Variants in PRICKLE1 observed in about 807,000 individuals in gnomAD.
PRICKLE1 encodes the protein prickle planar cell polarity protein 1, also known as prickle-like protein 1.
A neutral mutation model predicts 70.2 loss-of-function variants in PRICKLE1; 14 were observed. That is an observed-to-expected ratio of 0.20 (90% CI 0.13 to 0.31). The LOEUF (loss-of-function observed/expected upper bound fraction) is 0.31. PRICKLE1 is among the 10% of genes least tolerant of loss of function. PRICKLE1 has a pLI of 1.00. For missense variants in PRICKLE1, 821 were observed against 1,026.2 expected (o/e 0.80, Z 2.73); for synonymous variants, 357 against 379.9 (o/e 0.94, Z 0.70).
intron 1 of PRICKLE1, among the ~76,000 whole-genome samples, chr12:42,574,112 C>T (rs188181292): frequency 6.6e-6 from 1 of 152,222 alleles, no homozygotes; most frequent in Admixed American, 6.5e-5. Context: ...ATACAGGATG[C>T]CCAGTAAAAC....
chr12:42,574,401 C>T (rs539653265), intron 1 of PRICKLE1, among the ~76,000 whole-genome samples: 1 of 152,272 alleles, frequency 6.6e-6, no homozygotes, highest in Admixed American at 6.5e-5. Flanking sequence ...ATATGGGCAA[C>T]ACTCTGAACC....
chr12:42,533,269 A>C (rs949871476), intron 1 of PRICKLE1, among the ~76,000 whole-genome samples: 1 of 151,510 alleles, frequency 6.6e-6, no homozygotes, highest in Non-Finnish European at 1.5e-5. Flanking sequence ...ATTATTGTGA[A>C]GTTAATGAAT....
At chr12:42,551,784 G>A (rs997751905) in intron 1 of PRICKLE1, among the ~76,000 whole-genome samples, 2 of 152,140 alleles carry the variant, frequency 1.3e-5, no homozygotes, top group Admixed American at 1.3e-4. Context: ...CAATGCTAGA[G>A]TCCAGTTAAT....
intron 1 of PRICKLE1, among the ~76,000 whole-genome samples, chr12:42,479,173 T>A (rs942704501): frequency 6.6e-6 from 1 of 152,254 alleles, no homozygotes; most frequent in Non-Finnish European, 1.5e-5. Context: ...CTGCTTCCAC[T>A]GGGACTAAAC....
intron 1 of PRICKLE1, among the ~76,000 whole-genome samples, chr12:42,500,496 G>C (rs949043206): frequency 6.6e-6 from 1 of 152,134 alleles, no homozygotes; most frequent in Admixed American, 6.5e-5. Context: ...GAACAAAAGA[G>C]AGACCATGAG....
chr12:42,584,597 G>A (rs988820173), intron 1 of PRICKLE1: 2 of 151,912 alleles, frequency 1.3e-5, no homozygotes, highest in South Asian at 4.2e-4. Context: ...AAACATCACA[G>A]GAAACCAAAT....
chr12:42,500,179 C>T (rs1458776058), intron 1 of PRICKLE1, among the ~76,000 whole-genome samples: 1 of 152,196 alleles, frequency 6.6e-6, no homozygotes, highest in Admixed American at 6.5e-5. Flanking sequence ...AGTTATACAG[C>T]ACAAAGGCCA....
chr12:42,572,250 A>G (rs1436839341), intron 1 of PRICKLE1, among the ~76,000 whole-genome samples: 1 of 152,004 alleles, frequency 6.6e-6, no homozygotes, highest in African/African-American at 2.4e-5. Context: ...CCTGGCCAAC[A>G]TGGTGAAACC....
At chr12:42,471,871 T>C (rs1243232457) in intron 2 of PRICKLE1, among the ~76,000 whole-genome samples, 1 of 152,180 alleles carries the variant, frequency 6.6e-6, no homozygotes, top group Non-Finnish European at 1.5e-5. Context: ...CCAATCCCTG[T>C]GGTGTAAGTG....
intron 1 of PRICKLE1, among the ~76,000 whole-genome samples, chr12:42,477,762 T>C (rs2140141793): frequency 6.6e-6 from 1 of 151,962 alleles, no homozygotes; most frequent in African/African-American, 2.4e-5. Context: ...TTCTAATAAC[T>C]TTATTTTCAG....
At chr12:42,517,077 ATTGCTTCTCAAC>A (rs1240449764) in intron 1 of PRICKLE1, among the ~76,000 whole-genome samples, 2 of 152,128 alleles carry the variant, frequency 1.3e-5, no homozygotes, top group African/African-American at 4.8e-5. Context: ...AATAACTCAG[ATTGCTTCTCAAC>A]TTGCTTCTCA....
intron 1 of PRICKLE1, among the ~76,000 whole-genome samples, chr12:42,565,528 G>A (rs557978549): frequency 2.6e-5 from 4 of 152,244 alleles, no homozygotes; most frequent in African/African-American, 9.6e-5. Context: ...AATCAACAAT[G>A]GGATCCTTAA....
At chr12:42,534,162 T>TGAAG (rs1939976388) in intron 1 of PRICKLE1, among the ~76,000 whole-genome samples, 2 of 151,912 alleles carry the variant, frequency 1.3e-5, no homozygotes, top group South Asian at 2.1e-4. Flanking sequence ...AAGGAAAAGA[T>TGAAG]GAAGAAAGAA....
rs376030582 is a variant in PRICKLE1 at position 42,548,579 on chromosome 12, CA to C, written c.-49+40885del. 3.3e-3 allele frequency among the ~76,000 whole-genome samples: 497 copies of C among 152,140 alleles called. 2 individuals are homozygous for C. Among genetic ancestry groups the C allele is most frequent in the African/African-American group, 0.011 (455 of 41,524 alleles). ...AATGCTAAATGGTAAATAAAGGGTG[CA>C]AAATAATAAACACTACAGGAGTTCC... On this transcript the variant is annotated intron_variant, in intron 1 of 7. Transcript: ENST00000345127.
At chr12:42,579,264 G>C (rs1297615143) in intron 1 of PRICKLE1, among the ~76,000 whole-genome samples, 1 of 152,228 alleles carries the variant, frequency 6.6e-6, no homozygotes, top group Non-Finnish European at 1.5e-5. Flanking sequence ...ACCAGGGAAG[G>C]CTATCTGACA....
rs572315226 is a variant in PRICKLE1 at position 42,459,680 on chromosome 12, T to C, written c.*129A>G. 12 of 1,061,778 alleles carry C rather than the reference T, an allele frequency of 1.1e-5. No homozygotes were observed. Among genetic ancestry groups the C allele is most frequent in the South Asian group, 1.4e-5 (1 of 71,554 alleles). 65.8% of individuals were successfully genotyped at this position (1,061,778 alleles called of 1,614,324 possible). A position where few individuals can be genotyped will look rare whatever the true frequency, so the allele number is the denominator to read the frequency against. The stretch of plus-strand genomic sequence containing the variant: ...GTTAATCTGACACTGTAAACAGCAG[T>C]TGAGTTCTCATTTACATGGGCAAAG... On this transcript the variant is annotated 3_prime_UTR_variant, in exon 8 of 8. Transcript: ENST00000345127.
At position 42,460,328 on chromosome 12, in the gene PRICKLE1, G is replaced by A. The variant is rs1405666356; in HGVS notation, c.1977C>T (p.Arg659=). ...QPPMSERTRR[R]VYNFEERGSR... Reference sequence around the variant, plus strand: ...ATCCCCTCTCTTCAAAATTGTAGACGCGTCTCCGAGTCCTTTCACTCATCG... The same window carrying A: ...ATCCCCTCTCTTCAAAATTGTAGACACGTCTCCGAGTCCTTTCACTCATCG... Residue 659 remains arginine (R), a synonymous_variant, in exon 8 of 8, where the codon CGC becomes CGT. Transcript: ENST00000345127. The A allele has an allele frequency of 1.2e-6, 2 of 1,613,982 alleles. No homozygotes were observed. Among genetic ancestry groups the A allele is most frequent in the African/African-American group, 1.3e-5 (1 of 74,892 alleles).
intron 1 of PRICKLE1, among the ~76,000 whole-genome samples, chr12:42,555,797 T>C (rs1163170717): frequency 6.6e-6 from 1 of 152,196 alleles, no homozygotes; most frequent in Non-Finnish European, 1.5e-5. Context: ...AGAATGGCCA[T>C]TATTTCTGCA....
intron 1 of PRICKLE1, among the ~76,000 whole-genome samples, chr12:42,565,154 G>T (rs1940600247): frequency 6.6e-6 from 1 of 152,206 alleles, no homozygotes; most frequent in African/African-American, 2.4e-5. Flanking sequence ...AGCTCTCCCA[G>T]TACTGGGGGA....
Sources: allele counts gnomAD v4.1 joint callset (sites outside exome capture counted in the v4.1 genomes callset), GRCh38; gene constraint gnomAD v4.1.1; transcripts MANE v1.5; gene names NCBI Gene and HGNC (gene_info 2026-07-23, HGNC 2026-07-21).